GREB1L: variants seen among roughly 807,000 people sequenced by gnomAD.
GREB1L encodes the protein GREB1 like retinoic acid receptor coactivator, also known as GREB1-like protein.
GREB1L carries 17 observed loss-of-function variants against 200.8 expected under a neutral mutation model. That is an observed-to-expected ratio of 0.08 (90% CI 0.06 to 0.13). GREB1L has a LOEUF of 0.13. Among genes scored for constraint, GREB1L ranks in the 10% least tolerant of loss-of-function variants. The pLI is 1.00. For missense variants in GREB1L, 1,657 were observed against 2,367.7 expected (o/e 0.70, Z 6.23); for synonymous variants, 789 against 893.0 (o/e 0.88, Z 2.08).
intron 2 of GREB1L, among the ~76,000 whole-genome samples, chr18:21,374,874 A>G (rs2040010638): frequency 7.5e-6 from 1 of 132,628 alleles, no homozygotes; most frequent in South Asian, 2.3e-4. Flanking sequence ...TTTTTTCCAC[A>G]CAGGGTCTCA....
At chr18:21,385,522 C>G (rs767423286) in intron 4 of GREB1L, among the ~76,000 whole-genome samples, 1 of 152,104 alleles carries the variant, frequency 6.6e-6, no homozygotes, top group Non-Finnish European at 1.5e-5. Flanking sequence ...CTCTTTGATT[C>G]GGCCCTGCCT....
chr18:21,313,161 T>A (rs1446866106), intron 1 of GREB1L, among the ~76,000 whole-genome samples: 2 of 151,524 alleles, frequency 1.3e-5, no homozygotes, highest in East Asian at 1.9e-4. Context: ...TAATATTTTT[T>A]AAAATATTAA....
At chr18:21,415,747 G>A (rs1043944376) in intron 7 of GREB1L, among the ~76,000 whole-genome samples, 2 of 152,182 alleles carry the variant, frequency 1.3e-5, no homozygotes, top group African/African-American at 4.8e-5. Flanking sequence ...CACTTAGGAA[G>A]GTCTTGTCTC....
rs188173952 is a variant in GREB1L at position 21,459,244 on chromosome 18, G to C, written c.2182+4681G>C. Among the ~76,000 whole-genome samples the C allele has an allele frequency of 2.0e-3, 300 of 151,318 alleles. 1 individual carries two copies. The highest frequency in any genetic ancestry group is 3.0e-3 in the Non-Finnish European group (205 of 67,864). ...AGGGGAAGTGAAGAGAGAGAGGAAG[G>C]CATTCCCACTTTCTTTTCTTTTTCT... On this transcript the variant is annotated intron_variant, in intron 15 of 32. Transcript: ENST00000424526.
At chr18:21,323,508 A>G (rs1567936686) in intron 1 of GREB1L, among the ~76,000 whole-genome samples, 1 of 152,326 alleles carries the variant, frequency 6.6e-6, no homozygotes, top group East Asian at 1.9e-4. Context: ...ACTTGAAAGC[A>G]TGCTTAGCCT....
intron 17 of GREB1L, among the ~76,000 whole-genome samples, chr18:21,479,857 C>T (rs768920821): frequency 2.1e-4 from 32 of 152,252 alleles, no homozygotes; most frequent in Non-Finnish European, 4.1e-4. Context: ...CCTCCCACCT[C>T]ACCCTCCCAA....
rs2034333666 is a variant in GREB1L, at chr18:21,448,173, AG to A, written c.1394-1336del. ...GGAAACTGTCTCAAAAAAAAAAAAA[AG>A]CAGCAGCAGCAGCATAGAAGAAACA... On this transcript the variant is annotated intron_variant, in intron 11 of 32. Transcript: ENST00000424526. 4.4e-5 allele frequency among the ~76,000 whole-genome samples: 5 copies of A among 113,570 alleles called. No individual in the cohort carries two copies. The South Asian group carries it at 8.3e-4, about 19-fold the overall frequency. 74.5% of individuals were successfully genotyped at this position (113,570 alleles called of 152,430 possible).
In GREB1L at chr18:21,503,816, G is replaced by T. The variant is rs115619138; in HGVS notation, c.4073-1596G>T. On this transcript the variant is annotated intron_variant, in intron 23 of 32. Coordinates refer to ENST00000424526, the MANE Select transcript of GREB1L (RefSeq NM_001142966.3). ...TGGTCTCGAACTCCTAGCCTTAGGG[G>T]ATCCACCCACCTCGGCCTCCTAAAA... is the stretch of plus-strand genomic sequence containing the variant. Among the ~76,000 whole-genome samples, 715 of 150,642 alleles carry T rather than the reference G, an allele frequency of 4.7e-3. 9 individuals are homozygous for T. The highest frequency in any genetic ancestry group is 0.017 in the African/African-American group (683 of 41,008).
At chr18:21,371,326 G>C (rs144807830) in intron 2 of GREB1L, among the ~76,000 whole-genome samples, 1 of 152,134 alleles carries the variant, frequency 6.6e-6, no homozygotes, top group Non-Finnish European at 1.5e-5. Flanking sequence ...ATTGTATATA[G>C]TGCCAAATAG....
chr18:21,252,411 G>A (rs978613557), intron 1 of GREB1L, among the ~76,000 whole-genome samples: 12 of 151,608 alleles, frequency 7.9e-5, no homozygotes, highest in East Asian at 3.9e-4. Flanking sequence ...TACAAAACTA[G>A]CCTGGTATGG....
intron 2 of GREB1L, among the ~76,000 whole-genome samples, chr18:21,374,582 G>A (rs1208223285): frequency 6.6e-6 from 1 of 152,132 alleles, no homozygotes; most frequent in African/African-American, 2.4e-5. Context: ...CCATCTACCT[G>A]TACCACAGCT....
chr18:21,243,968 C>T (rs2037553164), intron 1 of GREB1L, among the ~76,000 whole-genome samples: 2 of 151,968 alleles, frequency 1.3e-5, no homozygotes, highest in African/African-American at 4.8e-5. Flanking sequence ...TATATCTTTC[C>T]GTAAGTCTAT....
intron 1 of GREB1L, among the ~76,000 whole-genome samples, chr18:21,252,190 C>G (rs977952242): frequency 6.6e-6 from 1 of 152,132 alleles, no homozygotes; most frequent in Non-Finnish European, 1.5e-5. Flanking sequence ...TACTATAGAA[C>G]TTTAATCAAC....
At chr18:21,313,705 G>C (rs2038825911) in intron 1 of GREB1L, among the ~76,000 whole-genome samples, 1 of 152,122 alleles carries the variant, frequency 6.6e-6, no homozygotes, top group Admixed American at 6.5e-5. Flanking sequence ...AAAAAAAGAA[G>C]GTATCTGGGT....
chr18:21,507,686 T>C (rs2037070293), intron 25 of GREB1L, among the ~76,000 whole-genome samples: 1 of 152,226 alleles, frequency 6.6e-6, no homozygotes, highest in African/African-American at 2.4e-5. Flanking sequence ...GGCATTTTAA[T>C]GTCAAACCTG....
At chr18:21,406,911 G>A (rs1461415971) in intron 7 of GREB1L, among the ~76,000 whole-genome samples, 1 of 133,626 alleles carries the variant, frequency 7.5e-6, no homozygotes, top group East Asian at 2.2e-4. Context: ...GTCTCACTGT[G>A]ACACCCATGC....
At chr18:21,324,045 AG>A (rs2038988391) in intron 1 of GREB1L, among the ~76,000 whole-genome samples, 1 of 152,176 alleles carries the variant, frequency 6.6e-6, no homozygotes, top group Non-Finnish European at 1.5e-5. Context: ...GAGGGGGATG[AG>A]GGATGGAAAA....
intron 18 of GREB1L, among the ~76,000 whole-genome samples, chr18:21,487,925 C>G (rs368715662): frequency 2.0e-5 from 3 of 151,478 alleles, no homozygotes; most frequent in African/African-American, 7.3e-5. Flanking sequence ...GCAGGAGAAT[C>G]ACTTGAACCT....
intron 17 of GREB1L, 67 bp from the exon 18 acceptor site, chr18:21,485,553 A>G (rs2145812111): frequency 1.4e-6 from 2 of 1,429,530 alleles, no homozygotes; most frequent in South Asian, 2.8e-5. Context: ...TGTAAACCCC[A>G]CTTTCTGGAA....
Sources: allele counts gnomAD v4.1 joint callset (sites outside exome capture counted in the v4.1 genomes callset), GRCh38; gene constraint gnomAD v4.1.1; transcripts MANE v1.5; gene names NCBI Gene and HGNC (gene_info 2026-07-23, HGNC 2026-07-21).